TBCEL: variants seen among roughly 807,000 people sequenced by gnomAD.
TBCEL encodes the protein tubulin folding cofactor E like.
Under a neutral mutation model 44.2 loss-of-function variants are expected in TBCEL, and 15 were observed. The observed-to-expected ratio is 0.34, with a 90% CI of 0.23 to 0.52. TBCEL has a LOEUF of 0.52. TBCEL is among the 20% of genes least tolerant of loss of function. TBCEL has a pLI of 0.95. For synonymous variants in TBCEL, 171 were observed against 185.4 expected (o/e 0.92, Z 0.63); for missense variants, 319 against 506.3 (o/e 0.63, Z 3.55).
intron 4 of TBCEL, among the ~76,000 whole-genome samples, chr11:121,051,912 T>A (rs1217171407): frequency 6.6e-6 from 1 of 151,802 alleles, no homozygotes; most frequent in Non-Finnish European, 1.5e-5. Context: ...GTTTACACAG[T>A]AGATCTGATG....
At chr11:121,079,531 AT>A (rs1946087255) in intron 8 of TBCEL, among the ~76,000 whole-genome samples, 1 of 152,152 alleles carries the variant, frequency 6.6e-6, no homozygotes, top group Non-Finnish European at 1.5e-5. Flanking sequence ...CTGGGTCTCA[AT>A]TTTTACATCT....
At chr11:121,059,927 T>C in intron 7 of TBCEL, 42 bp from the exon 8 acceptor site, 3 of 1,349,586 alleles carry the variant, frequency 2.2e-6, no homozygotes, top group Non-Finnish European at 2.1e-6. Flanking sequence ...CTAAATATAT[T>C]AGTATCTTAA....
In TBCEL at chr11:121,087,188, T is replaced by G. The variant is rs1017534926; in HGVS notation, c.*92T>G. On this transcript the variant is annotated 3_prime_UTR_variant, in exon 9 of 9. Coordinates refer to ENST00000683345, the MANE Select transcript of TBCEL (RefSeq NM_001363644.2). ...TTTTCTTTAGGAGGGAGAGGTTGTT[T>G]TTGTTTTGTTTTGTTCTGTTTAGGT... is the stretch of plus-strand genomic sequence containing the variant. The G allele has an allele frequency of 3.5e-5, 44 of 1,247,444 alleles. No homozygotes were observed. Among genetic ancestry groups the G allele is most frequent in the Non-Finnish European group, 4.7e-5 (43 of 910,366 alleles). The allele number at this position is 1,247,444 out of a possible 1,614,324, so 77.3% of individuals were successfully genotyped here.
chr11:121,058,133 G>T (rs1057056571), intron 6 of TBCEL, among the ~76,000 whole-genome samples: 1 of 151,832 alleles, frequency 6.6e-6, no homozygotes, highest in Non-Finnish European at 1.5e-5. Flanking sequence ...CTCTTAACCC[G>T]TGGATCACAG....
intron 8 of TBCEL, among the ~76,000 whole-genome samples, chr11:121,082,311 A>G (rs1293778748): frequency 6.6e-6 from 1 of 152,220 alleles, no homozygotes; most frequent in Admixed American, 6.5e-5. Flanking sequence ...CTTTGCAGGT[A>G]CAGTCAGAAT....
chr11:121,089,189 A>C lies in TBCEL; in HGVS notation c.*2093A>C, dbSNP rs1946258026. The C allele has an allele frequency of 6.6e-6, 1 of 152,196 alleles. No homozygotes were observed. The highest frequency in any genetic ancestry group is 1.5e-5 in the Non-Finnish European group (1 of 68,030). 9.4% of individuals were successfully genotyped at this position (152,196 alleles called of 1,614,324 possible). A position where few individuals can be genotyped will look rare whatever the true frequency, so the allele number is the denominator to read the frequency against. On this transcript the variant is annotated 3_prime_UTR_variant, in exon 9 of 9. Transcript: ENST00000683345. The stretch of plus-strand genomic sequence containing the variant: ...GTGTGACCCTGGACTGTCCCACAGC[A>C]GAAGGCAGAACAAACACTTATGTTA...
chr11:121,086,376 G>T lies in TBCEL; in HGVS notation c.957-402G>T, dbSNP rs79089911. 3.9e-3 allele frequency among the ~76,000 whole-genome samples: 589 copies of T among 152,218 alleles called. 8 individuals are homozygous for T. The highest frequency in any genetic ancestry group is 0.012 in the East Asian group (63 of 5,186). On this transcript the variant is annotated intron_variant, in intron 8 of 8. Transcript: ENST00000683345. ...CTTCTCCAGGCCTCAGAAACTGCTG[G>T]CCTCCTTCCATCTTTCCATCTATTC... is the stretch of plus-strand genomic sequence containing the variant.
chr11:121,062,006 G>T (rs1945733037), intron 8 of TBCEL, among the ~76,000 whole-genome samples: 1 of 151,838 alleles, frequency 6.6e-6, no homozygotes, highest in Admixed American at 6.6e-5. Context: ...ACATTGTACA[G>T]CTGTACCAAA....
intron 2 of TBCEL, among the ~76,000 whole-genome samples, chr11:121,041,898 G>T (rs1945340576): frequency 1.4e-5 from 2 of 142,626 alleles, no homozygotes; most frequent in Admixed American, 7.1e-5. Flanking sequence ...GGTACTTGGT[G>T]TTGCTTTTCA....
Position 121,058,370 on chromosome 11 carries a change from T to C in TBCEL, c.738T>C (p.Asp246=), listed in dbSNP as rs764132424. The C allele has an allele frequency of 2.5e-6, 4 of 1,611,738 alleles. No individual in the cohort carries two copies. The Admixed American group carries it at 5.0e-5, about 20-fold the overall frequency. Residue 246 remains aspartate, a synonymous_variant, in exon 7 of 9, where the codon GAT becomes GAC. Transcript: ENST00000683345. ...KSGLQSWEDI[D]KLNSFPKLEE... ...GTTTGCAGTCCTGGGAAGACATTGA[T>C]AAACTAAATTCATTTCCCAAACTGG...
At chr11:121,043,887 C>T (rs1193006543) in intron 2 of TBCEL, among the ~76,000 whole-genome samples, 1 of 151,976 alleles carries the variant, frequency 6.6e-6, no homozygotes, top group East Asian at 1.9e-4. Context: ...GCTCATTTTT[C>T]TCATTCAACT....
At chr11:121,041,829 G>C (rs1338337966) in intron 2 of TBCEL, among the ~76,000 whole-genome samples, 1 of 150,708 alleles carries the variant, frequency 6.6e-6, no homozygotes, top group Non-Finnish European at 1.5e-5. Flanking sequence ...ATTAATGTGT[G>C]CCCATCTGCA....
At chr11:121,045,617 T>G in intron 2 of TBCEL, 57 bp from the exon 3 acceptor site, 3 of 1,410,758 alleles carry the variant, frequency 2.1e-6, no homozygotes, top group Non-Finnish European at 2.9e-6. Flanking sequence ...CAATAAATAC[T>G]TCTTATGTGA....
At chr11:121,026,998 C>T (rs1351625635) in intron 1 of TBCEL, among the ~76,000 whole-genome samples, 1 of 152,142 alleles carries the variant, frequency 6.6e-6, no homozygotes, top group Non-Finnish European at 1.5e-5. Flanking sequence ...ATTTTTGCCT[C>T]CAAACTACTA....
In TBCEL at chr11:121,086,770, C is replaced by G; in HGVS notation, c.957-8C>G. On this transcript the variant is annotated splice_polypyrimidine_tract_variant and splice_region_variant and intron_variant, in intron 8 of 8. Transcript: ENST00000683345. ...TTAAGCTGACAGTGTTGTTTTTAAT[C>G]CTTCTAGGTATCATGAACTGATCAC... 1 of 1,598,882 alleles carries G rather than the reference C, an allele frequency of 6.3e-7. No homozygotes were observed. Among genetic ancestry groups the G allele is most frequent in the South Asian group, 1.1e-5 (1 of 88,426 alleles).
chr11:121,073,718 A>G (rs777144591), intron 8 of TBCEL, among the ~76,000 whole-genome samples: 2 of 152,034 alleles, frequency 1.3e-5, no homozygotes, highest in East Asian at 1.9e-4. Context: ...GACTTTTGCT[A>G]TAGGGTTCTG....
At chr11:121,068,543 G>A (rs1044580102) in intron 8 of TBCEL, among the ~76,000 whole-genome samples, 14 of 151,846 alleles carry the variant, frequency 9.2e-5, no homozygotes, top group Non-Finnish European at 1.6e-4. Flanking sequence ...CTTAAGGCCC[G>A]TGCATCTCAT....
chr11:121,090,015 CA>C lies in TBCEL; in HGVS notation c.*2920del, dbSNP rs1289387965. ...CTAGATTGCTTTAATGGAAAAAATC[CA>C]GAGTCACATATCTTTTTTATTATCA... On this transcript the variant is annotated 3_prime_UTR_variant, in exon 9 of 9. Transcript: ENST00000683345. 6.6e-6 allele frequency: 1 copy of C among 152,100 alleles called. No homozygotes were observed. Among genetic ancestry groups the C allele is most frequent in the Non-Finnish European group, 1.5e-5 (1 of 68,012 alleles). The allele number at this position is 152,100 out of a possible 1,614,324, so 9.4% of individuals were successfully genotyped here. A position where few individuals can be genotyped will look rare whatever the true frequency, so the allele number is the denominator to read the frequency against.
rs1047647109 is a variant in TBCEL at position 121,036,558 on chromosome 11, C to T, written c.-72C>T. On this transcript the variant is annotated 5_prime_UTR_variant, in exon 2 of 9. In the 5' UTR this introduces an upstream ATG that the reference lacks. Coordinates refer to ENST00000683345, the MANE Select transcript of TBCEL (RefSeq NM_001363644.2). ...GTTGGTTTAAACCAACATTTTTGGA[C>T]GAGGAGAGGCTATGGAAATGAAGAA... The T allele has an allele frequency of 5.9e-5, 9 of 152,192 alleles. No homozygotes were observed. Among genetic ancestry groups the T allele is most frequent in the East Asian group, 5.8e-4 (3 of 5,190 alleles). 9.4% of individuals were successfully genotyped at this position (152,192 alleles called of 1,614,324 possible).
Sources: gnomAD v4.1 joint callset for allele counts (sites outside exome capture counted in the v4.1 genomes callset) on GRCh38, gnomAD v4.1.1 for gene constraint, MANE v1.5 for transcripts, NCBI Gene and HGNC (gene_info 2026-07-23, HGNC 2026-07-21) for gene names.